The following SPNS3 variants were observed in gnomAD, a reference collection of about 807,000 sequenced individuals.
SPNS3 encodes the protein SPNS lysolipid transporter 3, sphingosine-1-phosphate (putative), also known as protein spinster homolog 3.
A neutral mutation model predicts 54.4 loss-of-function variants in SPNS3; 51 were observed. The observed-to-expected ratio is 0.94, with a 90% CI of 0.75 to 1.18. The LOEUF is 1.18. SPNS3 is among the 50% of genes most tolerant of loss of function. The pLI is 0.00. For missense variants in SPNS3, 669 were observed against 677.4 expected (o/e 0.99, Z 0.14); for synonymous variants, 309 against 294.7 (o/e 1.05, Z -0.50).
At chr17:4,447,072 A>G (rs2047232) in intron 5 of SPNS3, 110 bp downstream of exon 5, 1,020,368 of 1,182,906 alleles carry the variant, frequency 0.86, 451,020 homozygotes, top group African/African-American at 0.97. Context: ...CATTAGGGGG[A>G]CGGGGGGTGG....
chr17:4,446,965 G>A lies in SPNS3; in HGVS notation c.621+3G>A. 6.2e-7 allele frequency: 1 copy of A among 1,614,086 alleles called. No homozygotes were observed. Among genetic ancestry groups the A allele is most frequent in the Non-Finnish European group, 8.5e-7 (1 of 1,179,986 alleles). The stretch of plus-strand genomic sequence containing the variant: ...GGAACTGGCGCTGGGCCCTCCGAGT[G>A]AGTCCAGCTTCCTTTTCTTCCCTCT... On this transcript the variant is annotated splice_donor_region_variant and intron_variant, in intron 5 of 11. Transcript: ENST00000355530.
intron 3 of SPNS3, among the ~76,000 whole-genome samples, chr17:4,445,737 CT>C (rs1970967731): frequency 6.6e-6 from 1 of 152,052 alleles, no homozygotes; most frequent in South Asian, 2.1e-4. Context: ...GCCGCACCAG[CT>C]TCATTTCTGC....
intron 2 of SPNS3, among the ~76,000 whole-genome samples, chr17:4,440,251 T>C (rs1329329189): frequency 2.6e-5 from 4 of 151,830 alleles, no homozygotes; most frequent in African/African-American, 9.7e-5. Flanking sequence ...GCGGTTGGGG[T>C]CATGAGGCGT....
chr17:4,488,155 G>T lies in SPNS3; in HGVS notation c.*261G>T, dbSNP rs76698626. ...GGGTCTCCAGCCTGGCTGCTGCTGG[G>T]CCCTGAATAAAGAGAGGCCAGTACA... is the stretch of plus-strand genomic sequence containing the variant. On this transcript the variant is annotated 3_prime_UTR_variant, in exon 12 of 12. Transcript: ENST00000355530. The T allele has an allele frequency of 1.3e-4, 72 of 533,566 alleles. 1 individual carries two copies. The East Asian group carries it at 2.2e-3, about 16-fold the overall frequency. The allele number at this position is 533,566 out of a possible 1,614,324, so 33.1% of individuals were successfully genotyped here. A position where few individuals can be genotyped will look rare whatever the true frequency, so the allele number is the denominator to read the frequency against.
At chr17:4,439,145 T>C (rs894820905) in intron 1 of SPNS3, among the ~76,000 whole-genome samples, 2 of 151,174 alleles carry the variant, frequency 1.3e-5, no homozygotes, top group Admixed American at 1.3e-4. Context: ...TTTTTTGAGA[T>C]GGAGCGTGGC....
At chr17:4,452,937 C>G (rs949733110) in intron 7 of SPNS3, 79 bp from the exon 8 acceptor site, 1 of 1,419,474 alleles carries the variant, frequency 7.0e-7, no homozygotes, top group African/African-American at 1.4e-5. Flanking sequence ...AGGGGCTAGA[C>G]CTGGGGCTGG....
rs138100923 is a variant in SPNS3, at chr17:4,465,970, C to T, written c.1114-12602C>T. Among the ~76,000 whole-genome samples the T allele has an allele frequency of 5.3e-5, 8 of 152,342 alleles. No homozygotes were observed. In the East Asian group the frequency reaches 1.5e-3, roughly 29 times the overall value. On this transcript the variant is annotated intron_variant, in intron 8 of 11. Transcript: ENST00000355530. ...TCTAGTTCCACGCTGCTCTTTTGGT[C>T]TCACGGTGAGAAACCCGGACTCGAG... is the stretch of plus-strand genomic sequence containing the variant.
chr17:4,456,249 G>A (rs1458565471), intron 8 of SPNS3, among the ~76,000 whole-genome samples: 1 of 152,116 alleles, frequency 6.6e-6, no homozygotes, highest in African/African-American at 2.4e-5. Flanking sequence ...ACCGCGCCTG[G>A]TCAAGAGCAG....
intron 8 of SPNS3, among the ~76,000 whole-genome samples, chr17:4,464,073 A>G (rs1971615325): frequency 6.6e-6 from 1 of 152,180 alleles, no homozygotes; most frequent in African/African-American, 2.4e-5. Flanking sequence ...AGATTTCCTG[A>G]AGTAGGGGCC....
At chr17:4,464,274 C>T (rs1971620368) in intron 8 of SPNS3, among the ~76,000 whole-genome samples, 1 of 152,230 alleles carries the variant, frequency 6.6e-6, no homozygotes, top group Admixed American at 6.5e-5. Context: ...GACACGCACA[C>T]AGCAGGTCTT....
At chr17:4,480,986 C>T (rs1329188605) in intron 9 of SPNS3, among the ~76,000 whole-genome samples, 1 of 152,186 alleles carries the variant, frequency 6.6e-6, no homozygotes, top group Non-Finnish European at 1.5e-5. Context: ...CCTGTAAAGG[C>T]AGGTGGTGGG....
At chr17:4,465,644 T>C (rs1327034335) in intron 8 of SPNS3, among the ~76,000 whole-genome samples, 4 of 152,112 alleles carry the variant, frequency 2.6e-5, no homozygotes, top group African/African-American at 9.7e-5. Context: ...GGAGAATCAC[T>C]TGAACACAGG....
rs980309005 is a variant in SPNS3 at position 4,483,393 on chromosome 17, C to A, written c.1180-2835C>A. On this transcript the variant is annotated intron_variant, in intron 9 of 11. Coordinates refer to ENST00000355530, the MANE Select transcript of SPNS3 (RefSeq NM_182538.5). The surrounding 1 kb of genome is among the most constrained non-coding windows in gnomAD (Gnocchi z 4.2). The stretch of plus-strand genomic sequence containing the variant: ...GGCTCTCCAGCTTCTGTGGGCCCAG[C>A]CTTGGCTGCTGGCTGCACGGAGACA... 3 of 152,306 alleles carry A rather than the reference C, an allele frequency of 2.0e-5. No homozygotes were observed. The highest frequency in any genetic ancestry group is 7.2e-5 in the African/African-American group (3 of 41,452). 9.4% of individuals were successfully genotyped at this position (152,306 alleles called of 1,614,324 possible). A position where few individuals can be genotyped will look rare whatever the true frequency, so the allele number is the denominator to read the frequency against.
At chr17:4,453,377 G>T (rs1376338773) in intron 8 of SPNS3, among the ~76,000 whole-genome samples, 172 bp downstream of exon 8, 1 of 152,154 alleles carries the variant, frequency 6.6e-6, no homozygotes, top group Non-Finnish European at 1.5e-5. Flanking sequence ...GGCTGGACGC[G>T]GTGGCTCATG....
intron 7 of SPNS3, 137 bp downstream of exon 7, chr17:4,449,524 A>G: frequency 9.1e-7 from 1 of 1,099,522 alleles, no homozygotes; most frequent in Non-Finnish European, 1.2e-6. Context: ...GGAGCTCAGG[A>G]CCCAGATGGC....
chr17:4,461,641 T>C (rs144227060), intron 8 of SPNS3, among the ~76,000 whole-genome samples: 244 of 152,132 alleles, frequency 1.6e-3, no homozygotes, highest in Admixed American at 2.0e-3. Context: ...ACAATGGCGA[T>C]TGTGAGAGGC....
chr17:4,469,418 G>A (rs1324515016), intron 8 of SPNS3, among the ~76,000 whole-genome samples: 1 of 152,008 alleles, frequency 6.6e-6, no homozygotes, highest in Non-Finnish European at 1.5e-5. Context: ...CAATTGGGCC[G>A]GGTGCCCAAT....
intron 5 of SPNS3, 108 bp downstream of exon 5, chr17:4,447,070 G>T: frequency 2.7e-6 from 3 of 1,092,738 alleles, no homozygotes; most frequent in Non-Finnish European, 3.8e-6. Context: ...GCCATTAGGG[G>T]GACGGGGGGT....
At position 4,446,042 on chromosome 17, in the gene SPNS3, G is replaced by C. The variant is rs372605527; in HGVS notation, c.403-6G>C. On this transcript the variant is annotated splice_polypyrimidine_tract_variant and splice_region_variant and intron_variant, in intron 3 of 11. Coordinates refer to ENST00000355530, the MANE Select transcript of SPNS3 (RefSeq NM_182538.5). Reference sequence around the variant, plus strand: ...ACTCACCGTGGTCTTGTGCCTGCTCGCCCAGTATTCTTGGCTCTTCTTCCT... The same window carrying C: ...ACTCACCGTGGTCTTGTGCCTGCTCCCCCAGTATTCTTGGCTCTTCTTCCT... 6.3e-7 allele frequency: 1 copy of C among 1,599,648 alleles called. No homozygotes were observed. The highest frequency in any genetic ancestry group is 1.1e-5 in the South Asian group (1 of 90,128).
Sources: gnomAD v4.1 joint callset for allele counts (sites outside exome capture counted in the v4.1 genomes callset) on GRCh38, gnomAD v4.1.1 for gene constraint, Gnocchi (gnomAD v3.1) non-coding constraint, MANE v1.5 for transcripts, NCBI Gene and HGNC (gene_info 2026-07-23, HGNC 2026-07-21) for gene names.